The following GTF3C5 variants were observed in gnomAD, a reference collection of about 807,000 sequenced individuals.
The protein encoded by GTF3C5 is general transcription factor IIIC subunit 5.
In GTF3C5, 47 loss-of-function variants were observed where a neutral mutation model predicts 61.0. The observed-to-expected ratio is 0.77, with a 90% CI of 0.61 to 0.98. GTF3C5 has a LOEUF of 0.98. Ranked by LOEUF, GTF3C5 falls within the 50% of genes least tolerant of loss-of-function variation. GTF3C5 has a pLI of 0.00. For missense variants in GTF3C5, 659 were observed against 703.3 expected (o/e 0.94, Z 0.71); for synonymous variants, 295 against 275.4 (o/e 1.07, Z -0.71).
rs1850121008 is a variant in GTF3C5 at position 133,043,940 on chromosome 9, C to G, written c.572+14C>G. 6.3e-7 allele frequency: 1 copy of G among 1,598,452 alleles called. No homozygotes were observed. The highest frequency in any genetic ancestry group is 8.6e-7 in the Non-Finnish European group (1 of 1,166,390). ...GACCCAGCACCGGTAAGGCCCCCCT[C>G]CATGCAGCCTCGGTTCTCTATCCTG... On this transcript the variant is annotated intron_variant, in intron 3 of 10. Coordinates refer to ENST00000372097, the MANE Select transcript of GTF3C5 (RefSeq NM_012087.4).
intron 1 of GTF3C5, among the ~76,000 whole-genome samples, chr9:133,038,956 G>A (rs1416554791): frequency 6.6e-6 from 1 of 152,182 alleles, no homozygotes; most frequent in African/African-American, 2.4e-5. Flanking sequence ...TAGGATTAGA[G>A]GTAGTGATGG....
rs1246231508 is a variant in GTF3C5 at position 133,057,974 on chromosome 9, C to T, written c.1554C>T (p.Tyr518=). The T allele has an allele frequency of 8.1e-6, 13 of 1,613,748 alleles. No homozygotes were observed. The East Asian group carries it at 8.9e-5, about 11-fold the overall frequency. The change falls in exon 11 of 11, where the codon TAC becomes TAT. Residue 518 remains tyrosine, a synonymous_variant. Coordinates refer to ENST00000372097, the MANE Select transcript of GTF3C5 (RefSeq NM_012087.4). The part of the protein sequence containing the change: ...ENEMETEILD[Y]V ...AAATGGAGACAGAGATTCTGGACTA[C>T]GTGTGACAGGGCCCAAGGCTGGGCC...
intron 10 of GTF3C5, among the ~76,000 whole-genome samples, chr9:133,057,402 T>C (rs541041792): frequency 3.9e-5 from 6 of 152,182 alleles, no homozygotes; most frequent in Admixed American, 3.9e-4. Context: ...AGAGGCCCCC[T>C]CTCTCAGGGA....
chr9:133,040,264 C>T (rs1849999724), intron 1 of GTF3C5, among the ~76,000 whole-genome samples: 1 of 152,208 alleles, frequency 6.6e-6, no homozygotes, highest in African/African-American at 2.4e-5. Flanking sequence ...CTTCTTCATT[C>T]TCTCCCGAGA....
chr9:133,048,102 C>T (rs1361308420), intron 3 of GTF3C5, among the ~76,000 whole-genome samples: 1 of 152,010 alleles, frequency 6.6e-6, no homozygotes, highest in Non-Finnish European at 1.5e-5. Context: ...GCACTCCAGC[C>T]TGGGTGACAG....
intron 1 of GTF3C5, among the ~76,000 whole-genome samples, chr9:133,041,634 G>A (rs904278716): frequency 1.3e-5 from 2 of 152,068 alleles, no homozygotes; most frequent in East Asian, 1.9e-4. Context: ...GGCCACTACC[G>A]GTCCCCGCAT....
chr9:133,032,959 C>CA (rs1849769786), intron 1 of GTF3C5, among the ~76,000 whole-genome samples: 1 of 152,194 alleles, frequency 6.6e-6, no homozygotes, highest in South Asian at 2.1e-4. Flanking sequence ...AAGCATGACA[C>CA]AAACGCCACC....
rs371539309 is a variant in GTF3C5, at chr9:133,050,994, C to G, written c.768+16C>G. 1 of 1,563,520 alleles carries G rather than the reference C, an allele frequency of 6.4e-7. No homozygotes were observed. The highest frequency in any genetic ancestry group is 8.7e-7 in the Non-Finnish European group (1 of 1,155,280). Reference sequence around the variant, plus strand: ...GCTGAGGAAGGCAAGTCCTGCGCTGCGCCTGGCCCCGGTGGCTCCAGCCTC... The same window carrying G: ...GCTGAGGAAGGCAAGTCCTGCGCTGGGCCTGGCCCCGGTGGCTCCAGCCTC... On this transcript the variant is annotated intron_variant, in intron 4 of 10. Transcript: ENST00000372097.
rs561788977 is a variant in GTF3C5, at chr9:133,055,896, C to T, written c.1168-116C>T. On this transcript the variant is annotated intron_variant, in intron 8 of 10. Coordinates refer to ENST00000372097, the MANE Select transcript of GTF3C5 (RefSeq NM_012087.4). ...TCCAGCCTGTCTGCCCAACCTGCTC[C>T]TGGTGACCAGCCAGCTCCCTGGAGA... 9.4e-6 allele frequency: 14 copies of T among 1,487,822 alleles called. No homozygotes were observed. The African/African-American group carries it at 1.7e-4, about 18-fold the overall frequency. The allele number at this position is 1,487,822 out of a possible 1,614,324, so 92.2% of individuals were successfully genotyped here.
intron 9 of GTF3C5, 61 bp from the exon 10 acceptor site, chr9:133,056,705 G>A: frequency 6.8e-7 from 1 of 1,475,676 alleles, no homozygotes; most frequent in Non-Finnish European, 9.1e-7. Flanking sequence ...AACCAACACT[G>A]GCATCTCTTA....
In GTF3C5 at chr9:133,058,352, A is replaced by C; in HGVS notation, c.*372A>C. On this transcript the variant is annotated 3_prime_UTR_variant, in exon 11 of 11. Transcript: ENST00000372097. ...CACAGGCCAGTCTCGCTTGGCTCTC[A>C]TGACTGTGGTGGTGGAGATAGCGTG... 1 of 202,322 alleles carries C rather than the reference A, an allele frequency of 4.9e-6. No individual in the cohort carries two copies. The highest frequency in any genetic ancestry group is 9.9e-6 in the Non-Finnish European group (1 of 100,610). The allele number at this position is 202,322 out of a possible 1,614,324, so 12.5% of individuals were successfully genotyped here. A position where few individuals can be genotyped will look rare whatever the true frequency, so the allele number is the denominator to read the frequency against.
In GTF3C5 at chr9:133,042,243, C is replaced by T. The variant is rs768220836; in HGVS notation, c.310C>T (p.His104Tyr). The stretch of plus-strand genomic sequence containing the variant: ...GAAAGGGGTGCTGGGCACTGAGGCC[C>T]ACTCCGAGGTCACATTTGACATGGA... Reference protein sequence around the residue: ...RQKGVLGTEAHSEVTFDMEIL... With the variant: ...RQKGVLGTEAYSEVTFDMEIL... Residue 104 changes from histidine (H) to tyrosine (Y), a missense_variant, in exon 2 of 11, where the codon CAC becomes TAC. Physicochemically the swap from His to Tyr is moderately conservative, Grantham distance 83. Transcript: ENST00000372097. 2 of 1,613,828 alleles carry T rather than the reference C, an allele frequency of 1.2e-6. No homozygotes were observed. The highest frequency in any genetic ancestry group is 1.7e-5 in the Admixed American group (1 of 60,036).
chr9:133,042,603 C>G (rs1365561866), intron 2 of GTF3C5, among the ~76,000 whole-genome samples: 2 of 152,228 alleles, frequency 1.3e-5, no homozygotes, highest in Non-Finnish European at 2.9e-5. Context: ...CAGTAGACCT[C>G]CAGTCTTTCC....
intron 8 of GTF3C5, chr9:133,055,549 T>TA: frequency 1.0e-6 from 1 of 985,404 alleles, no homozygotes; most frequent in Non-Finnish European, 1.2e-6. Flanking sequence ...ACTCTAGAAC[T>TA]ACATGGCTGG....
At position 133,054,722 on chromosome 9, in the gene GTF3C5, T is replaced by A. The variant is rs765790325; in HGVS notation, c.1080T>A (p.Leu360=). 8.6e-5 allele frequency: 135 copies of A among 1,572,052 alleles called. No individual in the cohort carries two copies. The highest frequency in any genetic ancestry group is 1.1e-4 in the Non-Finnish European group (130 of 1,158,544). ...PITVKKTSSQ[L]VTMHDLKQGL... ...GTTGTCCCCACGCAGCCAGCCAGCTTGTCACCATGCATGACCTGAAGCAGG... is the reference window on the plus strand; with the variant it reads ...GTTGTCCCCACGCAGCCAGCCAGCTAGTCACCATGCATGACCTGAAGCAGG... Residue 360 remains leucine, a synonymous_variant, in exon 8 of 11, where the codon CTT becomes CTA. Coordinates refer to ENST00000372097, the MANE Select transcript of GTF3C5 (RefSeq NM_012087.4).
At chr9:133,049,066 G>C (rs1247110183) in intron 3 of GTF3C5, among the ~76,000 whole-genome samples, 3 of 152,306 alleles carry the variant, frequency 2.0e-5, no homozygotes, top group East Asian at 1.9e-4. Context: ...ACTGGAGGAT[G>C]GTGGGTCCCT....
At chr9:133,057,686 C>A in intron 10 of GTF3C5, 128 bp from the exon 11 acceptor site, 1 of 815,950 alleles carries the variant, frequency 1.2e-6, no homozygotes, top group Non-Finnish European at 1.8e-6. Flanking sequence ...TACTTACCCA[C>A]CAGCTTCTTA....
At chr9:133,041,113 T>C (rs1439992865) in intron 1 of GTF3C5, among the ~76,000 whole-genome samples, 1 of 152,222 alleles carries the variant, frequency 6.6e-6, no homozygotes, top group Admixed American at 6.5e-5. Flanking sequence ...AACGCCAGTG[T>C]CTGGGAAGAC....
At chr9:133,050,425 T>TC (rs764296869) in intron 3 of GTF3C5, among the ~76,000 whole-genome samples, 3 of 152,254 alleles carry the variant, frequency 2.0e-5, no homozygotes, top group Non-Finnish European at 2.9e-5. Flanking sequence ...GTCCAGTTTT[T>TC]CACTGGCTGG....
Sources: gnomAD v4.1 joint callset for allele counts (sites outside exome capture counted in the v4.1 genomes callset) on GRCh38, gnomAD v4.1.1 for gene constraint, MANE v1.5 for transcripts, NCBI Gene and HGNC (gene_info 2026-07-23, HGNC 2026-07-21) for gene names.